The following RNF24 variants were observed in gnomAD, a reference collection of about 807,000 sequenced individuals.
The protein encoded by RNF24 is ring finger protein 24.
A neutral mutation model predicts 20.0 loss-of-function variants in RNF24; 14 were observed. That is an observed-to-expected ratio of 0.70 (90% confidence interval 0.46 to 1.10). The LOEUF is 1.10. Ranked by LOEUF, RNF24 falls within the 50% of genes least tolerant of loss-of-function variation. The pLI is 0.00. For missense variants in RNF24, 124 were observed against 177.6 expected (o/e 0.70, Z 1.71); for synonymous variants, 45 against 61.1 (o/e 0.74, Z 1.23).
chr20:3,930,584 CAA>C lies in RNF24; in HGVS notation c.*3477_*3478del, dbSNP rs775970242. The C allele has an allele frequency of 3.3e-5, 5 of 152,204 alleles. No individual in the cohort carries two copies. Among genetic ancestry groups the C allele is most frequent in the Non-Finnish European group, 7.3e-5 (5 of 68,054 alleles). 9.4% of individuals were successfully genotyped at this position (152,204 alleles called of 1,614,324 possible). On this transcript the variant is annotated 3_prime_UTR_variant, in exon 6 of 6. Transcript: ENST00000358395. ...AGAAGGGCCTAAGGCTAGTGAGTGACAAGAGGTGATTCCATCACTCTCTGCCT... is the reference window on the plus strand; with the variant it reads ...AGAAGGGCCTAAGGCTAGTGAGTGACGAGGTGATTCCATCACTCTCTGCCT...
intron 1 of RNF24, among the ~76,000 whole-genome samples, chr20:3,994,563 T>A (rs1476911551): frequency 6.6e-6 from 1 of 152,236 alleles, no homozygotes; most frequent in Non-Finnish European, 1.5e-5. Context: ...CTAAATTTTC[T>A]CTACATAGTG....
Position 3,945,140 on chromosome 20 carries a change from A to C in RNF24, c.228+37T>G, listed in dbSNP as rs184639852. 3.1e-5 allele frequency: 50 copies of C among 1,591,402 alleles called. No homozygotes were observed. In the African/African-American group the frequency reaches 6.5e-4, roughly 21 times the overall value. On this transcript the variant is annotated intron_variant, in intron 4 of 5. Transcript: ENST00000358395. ...TACCACAGCATACCACTGCTACTAG[A>C]AAATGGCTCAAGAGGATTTACTTAT...
At chr20:3,954,079 T>A (rs1163342035) in intron 2 of RNF24, among the ~76,000 whole-genome samples, 1 of 152,118 alleles carries the variant, frequency 6.6e-6, no homozygotes, top group African/African-American at 2.4e-5. Flanking sequence ...TTTAAAAATT[T>A]CATTCTTTTA....
At chr20:3,945,378 G>A (rs1424064943) in intron 3 of RNF24, among the ~76,000 whole-genome samples, 160 bp from the exon 4 acceptor site, 1 of 151,956 alleles carries the variant, frequency 6.6e-6, no homozygotes, top group African/African-American at 2.4e-5. Flanking sequence ...GATCATTTTA[G>A]CAACATTTTT....
intron 4 of RNF24, among the ~76,000 whole-genome samples, chr20:3,941,484 T>C (rs73086510): frequency 0.12 from 17,724 of 151,590 alleles, 1,390 homozygotes; most frequent in Non-Finnish European, 0.17. Flanking sequence ...TAAAAAACTA[T>C]ACAAAGACAT....
chr20:3,968,654 T>G (rs1205244036), intron 1 of RNF24, among the ~76,000 whole-genome samples: 1 of 152,154 alleles, frequency 6.6e-6, no homozygotes, highest in Non-Finnish European at 1.5e-5. Context: ...AGGAACTAAC[T>G]TCTTTGTTAT....
At chr20:3,947,771 G>A (rs1353052188) in intron 3 of RNF24, among the ~76,000 whole-genome samples, 1 of 152,180 alleles carries the variant, frequency 6.6e-6, no homozygotes, top group African/African-American at 2.4e-5. Context: ...GAAAAGCTGG[G>A]CACAGTGGCT....
At chr20:3,993,800 T>G (rs1157202402) in intron 1 of RNF24, among the ~76,000 whole-genome samples, 1 of 152,236 alleles carries the variant, frequency 6.6e-6, no homozygotes, top group Non-Finnish European at 1.5e-5. Context: ...CCATAATTTC[T>G]AAATAACTGG....
At chr20:3,978,967 G>A (rs184089748) in intron 1 of RNF24, among the ~76,000 whole-genome samples, 13 of 151,782 alleles carry the variant, frequency 8.6e-5, no homozygotes, top group African/African-American at 3.1e-4. Context: ...TTAGCCAGGC[G>A]CGGTGGCGTG....
At chr20:3,988,852 T>C (rs750035534) in intron 1 of RNF24, among the ~76,000 whole-genome samples, 36 of 152,030 alleles carry the variant, frequency 2.4e-4, no homozygotes, top group Non-Finnish European at 3.8e-4. Context: ...ACCAACCTGA[T>C]TGTAAAGAAG....
intron 1 of RNF24, among the ~76,000 whole-genome samples, chr20:3,980,083 T>A (rs1979253620): frequency 6.6e-6 from 1 of 152,148 alleles, no homozygotes; most frequent in Non-Finnish European, 1.5e-5. Flanking sequence ...ATGCAGAGAT[T>A]TAAAAACATC....
chr20:3,960,132 A>G (rs1325418264), intron 2 of RNF24, among the ~76,000 whole-genome samples: 1 of 152,048 alleles, frequency 6.6e-6, no homozygotes, highest in Admixed American at 6.6e-5. Context: ...TAGTCTTCCT[A>G]TGGTTCTGAT....
chr20:3,962,627 T>A (rs2091214934), intron 2 of RNF24, among the ~76,000 whole-genome samples: 1 of 151,260 alleles, frequency 6.6e-6, no homozygotes. Context: ...TAACAGTTAC[T>A]TTACACAGTG....
chr20:3,943,831 A>G (rs552459329), intron 4 of RNF24, among the ~76,000 whole-genome samples: 51 of 152,234 alleles, frequency 3.4e-4, no homozygotes, highest in Non-Finnish European at 6.0e-4. Context: ...GGTCATCAAA[A>G]AGACTCCAAA....
At chr20:3,951,247 G>T (rs1020005966) in intron 2 of RNF24, among the ~76,000 whole-genome samples, 1 of 152,114 alleles carries the variant, frequency 6.6e-6, no homozygotes, top group South Asian at 2.1e-4. Flanking sequence ...GTGAGCCACC[G>T]CACCAGGCCA....
intron 1 of RNF24, among the ~76,000 whole-genome samples, chr20:3,967,973 C>CAAAAAAAAAA (rs58984163): frequency 5.2e-5 from 4 of 77,176 alleles, no homozygotes; most frequent in Non-Finnish European, 7.5e-5. Context: ...AGCCTGGCAA[C>CAAAAAAAAAA]AAAAAAAAAA....
At chr20:3,983,611 A>C (rs1424286889) in intron 1 of RNF24, among the ~76,000 whole-genome samples, 3 of 152,140 alleles carry the variant, frequency 2.0e-5, no homozygotes, top group Non-Finnish European at 1.5e-5. Flanking sequence ...CTTTCTGTGT[A>C]ATCTTTTTAT....
intron 1 of RNF24, among the ~76,000 whole-genome samples, chr20:4,007,156 T>C (rs1257265651): frequency 1.3e-5 from 2 of 152,278 alleles, no homozygotes; most frequent in Admixed American, 1.3e-4. Flanking sequence ...TTAGCTTGTA[T>C]ATTTTGTATT....
At chr20:3,940,710 G>A (rs2090944855) in intron 4 of RNF24, among the ~76,000 whole-genome samples, 1 of 152,072 alleles carries the variant, frequency 6.6e-6, no homozygotes, top group Admixed American at 6.6e-5. Context: ...TACTGGTAAG[G>A]GATGAATGAT....
Sources: gnomAD v4.1 joint callset for allele counts (sites outside exome capture counted in the v4.1 genomes callset) on GRCh38, gnomAD v4.1.1 for gene constraint, MANE v1.5 for transcripts, NCBI Gene and HGNC (gene_info 2026-07-23, HGNC 2026-07-21) for gene names.